FCHO2: variants seen among roughly 807,000 people sequenced by gnomAD.
FCHO2 encodes the protein F-BAR domain only protein 2.
A neutral mutation model predicts 114.1 loss-of-function variants in FCHO2; 43 were observed. That is an observed-to-expected ratio of 0.38 (90% CI 0.30 to 0.49). The LOEUF (loss-of-function observed/expected upper bound fraction) is 0.49, where lower values mean the gene tolerates loss of function less well. Ranked by LOEUF, FCHO2 falls within the 20% of genes least tolerant of loss-of-function variation. The pLI, the probability that FCHO2 is intolerant of heterozygous loss-of-function variation, is 0.97. For synonymous variants in FCHO2, 293 were observed against 315.2 expected, an observed-to-expected ratio of 0.93 and a Z score of 0.75; for missense variants, 807 against 950.4, an observed-to-expected ratio of 0.85 and a Z score of 1.98.
chr5:72,982,768 G>T (rs1753285579), intron 2 of FCHO2, among the ~76,000 whole-genome samples: 1 of 149,630 alleles, frequency 6.7e-6, no homozygotes, highest in Non-Finnish European at 1.5e-5. Context: ...TTACATTTAG[G>T]TCTGTAATAC....
At chr5:72,997,320 A>G (rs1321683601) in intron 5 of FCHO2, 37 of 1,569,266 alleles carry the variant, frequency 2.4e-5, no homozygotes, top group Admixed American at 2.2e-4. Context: ...ATGGAGATCT[A>G]TGGCTCTGCT....
intron 6 of FCHO2, among the ~76,000 whole-genome samples, chr5:73,015,177 G>T (rs1340558771): frequency 6.6e-6 from 1 of 151,250 alleles, no homozygotes; most frequent in Non-Finnish European, 1.5e-5. Context: ...CCATATTTCA[G>T]TTTACCTGCT....
At chr5:73,016,215 A>G (rs1415888534) in intron 7 of FCHO2, among the ~76,000 whole-genome samples, 1 of 152,104 alleles carries the variant, frequency 6.6e-6, no homozygotes, top group Non-Finnish European at 1.5e-5. Context: ...TTGGGAGGCC[A>G]AGGCAGGAAG....
intron 17 of FCHO2, among the ~76,000 whole-genome samples, chr5:73,062,622 T>A (rs766870270): frequency 1.6e-4 from 24 of 152,042 alleles, no homozygotes; most frequent in Non-Finnish European, 2.8e-4. Flanking sequence ...TAAGCTTGAT[T>A]TACTAGCTTT....
chr5:72,977,803 G>A (rs938078394), intron 2 of FCHO2, among the ~76,000 whole-genome samples: 1 of 152,182 alleles, frequency 6.6e-6, no homozygotes, highest in African/African-American at 2.4e-5. Flanking sequence ...TGTATAAGGT[G>A]TAAGGAAGGG....
chr5:73,054,583 CTA>C (rs1488461853), intron 15 of FCHO2, 34 bp downstream of exon 15: 4 of 1,476,090 alleles, frequency 2.7e-6, no homozygotes, highest in Admixed American at 4.2e-5. Context: ...TATTTTATGT[CTA>C]TTAAAATTTA....
chr5:73,080,456 C>A (rs896107602), intron 22 of FCHO2, among the ~76,000 whole-genome samples: 3 of 152,082 alleles, frequency 2.0e-5, no homozygotes, highest in Non-Finnish European at 4.4e-5. Flanking sequence ...AAAGGATATT[C>A]GCTGTAGCAT....
Position 72,989,515 on chromosome 5 carries a change from T to C in FCHO2, c.200+14T>C. 6.3e-7 allele frequency: 1 copy of C among 1,584,806 alleles called. No individual in the cohort carries two copies. The highest frequency in any genetic ancestry group is 8.6e-7 in the Non-Finnish European group (1 of 1,163,888). Reference sequence around the variant, plus strand: ...TTCACAACTTGGGTGAGTTAATTTCTTCCTCTTTTTCAGTGTTTATTTAGG... The same window carrying C: ...TTCACAACTTGGGTGAGTTAATTTCCTCCTCTTTTTCAGTGTTTATTTAGG... On this transcript the variant is annotated intron_variant, in intron 3 of 25. Transcript: ENST00000430046.
intron 5 of FCHO2, chr5:72,997,779 A>G: frequency 7.7e-7 from 1 of 1,306,496 alleles, no homozygotes; most frequent in Admixed American, 2.8e-5. Context: ...CTGCCCTGGA[A>G]GCCCTACACT....
chr5:73,002,508 A>G (rs547443177), intron 5 of FCHO2, among the ~76,000 whole-genome samples: 6 of 152,324 alleles, frequency 3.9e-5, no homozygotes, highest in Admixed American at 3.9e-4. Context: ...CACAGCATAT[A>G]TATTTACTTG....
chr5:73,053,802 T>C (rs1361551862), intron 13 of FCHO2, among the ~76,000 whole-genome samples: 1 of 152,090 alleles, frequency 6.6e-6, no homozygotes, highest in Non-Finnish European at 1.5e-5. Flanking sequence ...GTATGTTAAA[T>C]ATATAAAACA....
intron 20 of FCHO2, 86 bp from the exon 21 acceptor site, chr5:73,077,252 G>A (rs760320681): frequency 3.8e-5 from 46 of 1,198,292 alleles, no homozygotes; most frequent in South Asian, 1.1e-4. Context: ...GTGTGCGCAC[G>A]TGCACGCGTG....
At chr5:72,962,537 A>G (rs1395225672) in intron 1 of FCHO2, among the ~76,000 whole-genome samples, 1 of 152,192 alleles carries the variant, frequency 6.6e-6, no homozygotes, top group Non-Finnish European at 1.5e-5. Flanking sequence ...GATCCCATGG[A>G]AACTTAAAAA....
chr5:73,053,913 T>G (rs994221389), intron 13 of FCHO2, among the ~76,000 whole-genome samples: 3 of 152,002 alleles, frequency 2.0e-5, no homozygotes, highest in Non-Finnish European at 4.4e-5. Context: ...ACAATGAACA[T>G]GTATTAATTT....
chr5:73,036,379 CTTTT>C (rs1756511248), intron 9 of FCHO2, among the ~76,000 whole-genome samples: 1 of 150,898 alleles, frequency 6.6e-6, no homozygotes, highest in Non-Finnish European at 1.5e-5. Flanking sequence ...CTGTTTTTTT[CTTTT>C]TAATTTTTGA....
At chr5:72,986,387 T>C (rs1580052141) in intron 2 of FCHO2, among the ~76,000 whole-genome samples, 1 of 152,144 alleles carries the variant, frequency 6.6e-6, no homozygotes, top group Admixed American at 6.6e-5. Flanking sequence ...CTGAACTCTT[T>C]TTCTTTTGGC....
chr5:72,977,629 C>T (rs1354707097), intron 2 of FCHO2, among the ~76,000 whole-genome samples: 1 of 152,160 alleles, frequency 6.6e-6, no homozygotes, highest in Non-Finnish European at 1.5e-5. Flanking sequence ...TTAATTAGAT[C>T]CCATTTGTTA....
intron 16 of FCHO2, among the ~76,000 whole-genome samples, chr5:73,057,505 C>T (rs1218352630): frequency 1.3e-5 from 2 of 151,894 alleles, no homozygotes; most frequent in African/African-American, 2.4e-5. Flanking sequence ...TATAGAGGGC[C>T]TGTTTTTTTG....
intron 1 of FCHO2, among the ~76,000 whole-genome samples, 171 bp from the exon 2 acceptor site, chr5:72,968,327 A>G (rs1222010243): frequency 6.6e-6 from 1 of 152,216 alleles, no homozygotes; most frequent in Non-Finnish European, 1.5e-5. Context: ...AAACTTTATT[A>G]AAGCATATAA....
Sources: gnomAD v4.1 joint callset for allele counts (sites outside exome capture counted in the v4.1 genomes callset) on GRCh38, gnomAD v4.1.1 for gene constraint, MANE v1.5 for transcripts, NCBI Gene and HGNC (gene_info 2026-07-23, HGNC 2026-07-21) for gene names.